Variants in ABCB9 observed in about 807,000 individuals in gnomAD.
ABCB9 encodes the protein ABC-type oligopeptide transporter ABCB9.
Under a neutral mutation model 62.0 loss-of-function variants are expected in ABCB9, and 36 were observed. The ratio of observed to expected loss-of-function variants is 0.58; its 90% CI spans 0.45 to 0.77. The LOEUF (loss-of-function observed/expected upper bound fraction) is 0.77. Among genes scored for constraint, ABCB9 ranks in the 30% least tolerant of loss-of-function variants. The pLI is 0.00. For synonymous variants in ABCB9, 435 were observed against 461.4 expected, an observed-to-expected ratio of 0.94 and a Z score of 0.73; for missense variants, 943 against 1,054.7, an observed-to-expected ratio of 0.89 and a Z score of 1.47.
chr12:122,924,763 T>C (rs55646110), downstream of ABCB9: 12,161 of 1,534,382 alleles, frequency 7.9e-3, 667 homozygotes, highest in African/African-American at 0.13. Context: ...ACTGTGCTGT[T>C]CCCAAAGCCC....
chr12:122,951,313 C>T (rs2036357326), intron 2 of ABCB9, among the ~76,000 whole-genome samples: 1 of 151,256 alleles, frequency 6.6e-6, no homozygotes, highest in Non-Finnish European at 1.5e-5. Flanking sequence ...CAGCCTCAAC[C>T]TCCTGGGCTC....
chr12:122,968,231 G>A (rs1291033495), upstream of ABCB9, among the ~76,000 whole-genome samples: 1 of 152,224 alleles, frequency 6.6e-6, no homozygotes, highest in Non-Finnish European at 1.5e-5. Flanking sequence ...TATCTTGGAT[G>A]GACTGTCCAA....
chr12:122,932,165 C>T lies in ABCB9; in HGVS notation c.2040+27G>A, dbSNP rs375865941. 244 of 1,551,200 alleles carry T rather than the reference C, an allele frequency of 1.6e-4. 1 individual carries two copies. The Middle Eastern group carries it at 3.5e-3, about 22-fold the overall frequency. ...GGCCACCTGGAGCCGCTCCTGCCCC[C>T]GCATTGCCCACCACCCTGTGACTCA... is the stretch of plus-strand genomic sequence containing the variant. On this transcript the variant is annotated intron_variant, in intron 11 of 11. Transcript: ENST00000280560. This position sits in a 1 kb window ranked among gnomAD's most constrained non-coding sequence, Gnocchi z 4.7.
Position 122,944,411 on chromosome 12 carries a change from C to G in ABCB9, c.1360G>C (p.Val454Leu). Reference protein sequence around the residue: ...NLIAFIIYEFVLGDCMESVGS... With the variant: ...NLIAFIIYEFLLGDCMESVGS... ...CTCACCTCCATACAATCTCCCAGGA[C>G]AAACTCGTAGATGATGAAGGCGATG... The change falls in exon 7 of 12, where the codon GTC (valine) becomes CTC (leucine). Residue 454 changes from valine (V) to leucine (L), a missense_variant. Transcript: ENST00000280560. This position sits in a 1 kb window ranked among gnomAD's most constrained non-coding sequence, Gnocchi z 4.9. The G allele has an allele frequency of 6.2e-7, 1 of 1,613,654 alleles. No individual in the cohort carries two copies. Among genetic ancestry groups the G allele is most frequent in the Non-Finnish European group, 8.5e-7 (1 of 1,179,716 alleles).
intron 4 of ABCB9, among the ~76,000 whole-genome samples, chr12:122,949,549 G>C (rs1310666414): frequency 6.6e-6 from 1 of 152,206 alleles, no homozygotes; most frequent in South Asian, 2.1e-4. Flanking sequence ...GCTCCTGCAG[G>C]GACCTCGGGT....
chr12:122,927,337 A>G (rs538974762), downstream of ABCB9, among the ~76,000 whole-genome samples: 1 of 152,042 alleles, frequency 6.6e-6, no homozygotes, highest in South Asian at 2.1e-4. Context: ...ACGCCCGGCT[A>G]ATTTTTGTAT....
intron 11 of ABCB9, among the ~76,000 whole-genome samples, chr12:122,921,783 A>G (rs1015699724): frequency 5.9e-5 from 9 of 152,320 alleles, no homozygotes; most frequent in African/African-American, 2.2e-4. Context: ...AAAACAAAAC[A>G]AAAAGCAAAC....
chr12:122,921,145 T>G, intron 11 of ABCB9: 1 of 1,203,912 alleles, frequency 8.3e-7, no homozygotes, highest in Non-Finnish European at 1.2e-6. Context: ...CTGGGCGTGA[T>G]GGGGCACACC....
At chr12:122,942,597 C>T (rs1399040446) in intron 7 of ABCB9, among the ~76,000 whole-genome samples, 4 of 136,964 alleles carry the variant, frequency 2.9e-5, no homozygotes, top group East Asian at 2.1e-4. Flanking sequence ...CCAGCCTGGG[C>T]GACAGAGCAA....
intron 4 of ABCB9, among the ~76,000 whole-genome samples, chr12:122,949,474 C>T (rs892215722): frequency 6.6e-6 from 1 of 152,204 alleles, no homozygotes; most frequent in African/African-American, 2.4e-5. Context: ...GGGTCTCTGT[C>T]GGCCACAGGC....
chr12:122,969,971 T>C (rs2037252163), upstream of ABCB9, among the ~76,000 whole-genome samples: 1 of 152,114 alleles, frequency 6.6e-6, no homozygotes, highest in Non-Finnish European at 1.5e-5. Flanking sequence ...TTTATAAAAC[T>C]AACTATGCTC....
upstream of ABCB9, among the ~76,000 whole-genome samples, chr12:122,967,930 T>C (rs2037221968): frequency 6.6e-6 from 1 of 152,206 alleles, no homozygotes; most frequent in Admixed American, 6.5e-5. Context: ...CCTCTACAGA[T>C]AGACTTGTGC....
At position 122,930,113 on chromosome 12, in the gene ABCB9, C is replaced by T. The variant is rs968335675; in HGVS notation, c.2099G>A (p.Arg700Gln). 1.8e-5 allele frequency: 28 copies of T among 1,555,638 alleles called. No individual in the cohort carries two copies. Among genetic ancestry groups the T allele is most frequent in the African/African-American group, 6.8e-5 (5 of 73,328 alleles). The stretch of plus-strand genomic sequence containing the variant: ...GTGCGCGTGCTCCACGGTGCTCAGC[C>T]GGTGCGCGATGATGAGTACCGTGTG... ...QKHTVLIIAH[R>Q]LSTVEHAHLI... is the part of the protein sequence containing the mutation. The change falls in exon 12 of 12, where the codon CGG becomes CAG. Residue 700 changes from arginine (R) to glutamine (Q), a missense_variant. By Grantham distance (43) the Arg-to-Gln change is conservative. Transcript: ENST00000280560. The surrounding 1 kb of genome is among the most constrained non-coding windows in gnomAD (Gnocchi z 4.9).
At chr12:122,967,737 C>T (rs2037217256), upstream of ABCB9, among the ~76,000 whole-genome samples, 1 of 152,196 alleles carries the variant, frequency 6.6e-6, no homozygotes, top group South Asian at 2.1e-4. Flanking sequence ...GATCTGCCCT[C>T]CTTGGCCTTC....
rs766455584 is a variant in ABCB9 at position 122,945,877 on chromosome 12, CAAAAAAAAAAA to C, written c.1251+137_1251+147del. On this transcript the variant is annotated intron_variant, in intron 6 of 11. Coordinates refer to ENST00000280560, the MANE Select transcript of ABCB9 (RefSeq NM_019625.4). Reference sequence around the variant, plus strand: ...TGGGTGACAGAGTGAGGCTCTGTCTCAAAAAAAAAAAAAAAAAAAAAGAAAGACAGACAGAT... The same window carrying C: ...TGGGTGACAGAGTGAGGCTCTGTCTCAAAAAAAAAAGAAAGACAGACAGAT... 2.9e-5 allele frequency: 14 copies of C among 477,636 alleles called. No individual in the cohort carries two copies. The African/African-American group carries it at 3.6e-4, about 12-fold the overall frequency. The allele number at this position is 477,636 out of a possible 1,614,324, so 29.6% of individuals were successfully genotyped here.
Position 122,930,019 on chromosome 12 carries a change from G to T in ABCB9, c.2193C>A (p.Gly731=). The T allele has an allele frequency of 1.9e-6, 3 of 1,574,174 alleles. No homozygotes were observed. The change falls in exon 12 of 12, where the codon GGC becomes GGA. Residue 731 remains glycine, a synonymous_variant. Transcript: ENST00000280560. This position sits in a 1 kb window ranked among gnomAD's most constrained non-coding sequence, Gnocchi z 4.9. The part of the protein sequence containing the change: ...QGTHQQLLAQ[G]GLYAKLVQRQ... ...GCTGCACCAGCTTGGCGTAGAGGCC[G>T]CCCTGGGCCAGCAGCTGCTGGTGGG...
chr12:122,961,941 C>G (rs374472336), intron 1 of ABCB9, among the ~76,000 whole-genome samples: 3 of 152,206 alleles, frequency 2.0e-5, no homozygotes, highest in South Asian at 4.1e-4. Context: ...CCACGTCAGG[C>G]CTTCTATCTC....
chr12:122,963,118 C>T (rs1004023734), intron 1 of ABCB9, among the ~76,000 whole-genome samples: 7 of 152,094 alleles, frequency 4.6e-5, no homozygotes, highest in Non-Finnish European at 1.5e-5. Flanking sequence ...GGCAACATGG[C>T]GAAATCCCGT....
intron 10 of ABCB9, among the ~76,000 whole-genome samples, chr12:122,934,118 G>A (rs2035334770): frequency 6.6e-6 from 1 of 151,996 alleles, no homozygotes; most frequent in Non-Finnish European, 1.5e-5. Context: ...TGTGGTGGTG[G>A]GCACTTGTAA....
Sources: gnomAD v4.1 joint callset for allele counts (sites outside exome capture counted in the v4.1 genomes callset) on GRCh38, gnomAD v4.1.1 for gene constraint, Gnocchi (gnomAD v3.1) non-coding constraint, MANE v1.5 for transcripts, NCBI Gene and HGNC (gene_info 2026-07-23, HGNC 2026-07-21) for gene names.